Variants in NUBPL observed in about 807,000 individuals in gnomAD.
NUBPL encodes the protein iron-sulfur cluster transfer protein NUBPL.
Under a neutral mutation model 45.7 loss-of-function variants are expected in NUBPL, and 31 were observed. That is an observed-to-expected ratio of 0.68 (90% confidence interval 0.51 to 0.92). NUBPL has a LOEUF of 0.92. Among genes scored for constraint, NUBPL ranks in the 40% least tolerant of loss-of-function variants. NUBPL has a pLI of 0.00. For missense variants in NUBPL, 401 were observed against 398.7 expected (o/e 1.01, Z -0.05); for synonymous variants, 144 against 140.9 (o/e 1.02, Z -0.15).
chr14:31,680,451 A>C (rs2036804204), intron 6 of NUBPL, among the ~76,000 whole-genome samples: 1 of 152,122 alleles, frequency 6.6e-6, no homozygotes, highest in African/African-American at 2.4e-5. Flanking sequence ...GAATTTTTTC[A>C]AATGCTTTTC....
intron 6 of NUBPL, among the ~76,000 whole-genome samples, chr14:31,778,071 G>T (rs1419059252): frequency 1.3e-5 from 2 of 152,168 alleles, no homozygotes; most frequent in African/African-American, 4.8e-5. Context: ...ATAATCCATG[G>T]GGTCATTGTC....
intron 4 of NUBPL, among the ~76,000 whole-genome samples, chr14:31,615,245 G>A (rs1016312499): frequency 6.6e-6 from 1 of 152,058 alleles, no homozygotes; most frequent in African/African-American, 2.4e-5. Context: ...CACCATGATT[G>A]TAAGTTTTCT....
chr14:31,596,688 T>C (rs2034293382), intron 3 of NUBPL, among the ~76,000 whole-genome samples: 1 of 152,220 alleles, frequency 6.6e-6, no homozygotes, highest in African/African-American at 2.4e-5. Context: ...CGTGTTAAAG[T>C]TCTGTTGGAG....
intron 4 of NUBPL, among the ~76,000 whole-genome samples, chr14:31,671,316 C>T (rs57523000): frequency 0.055 from 8,298 of 152,158 alleles, 643 homozygotes; most frequent in African/African-American, 0.18. Flanking sequence ...TTGACTATTG[C>T]GAATAGTGCT....
chr14:31,568,829 C>A (rs1303547013), intron 3 of NUBPL, among the ~76,000 whole-genome samples: 1 of 152,132 alleles, frequency 6.6e-6, no homozygotes, highest in Non-Finnish European at 1.5e-5. Context: ...GGAAGCAATT[C>A]ATTTTACTTT....
intron 4 of NUBPL, among the ~76,000 whole-genome samples, chr14:31,627,376 T>C (rs1488595822): frequency 6.6e-6 from 1 of 152,060 alleles, no homozygotes; most frequent in Non-Finnish European, 1.5e-5. Flanking sequence ...AGAAATGCAA[T>C]GCATTTCGGC....
chr14:31,806,214 C>T (rs910319021), intron 7 of NUBPL, among the ~76,000 whole-genome samples: 1 of 152,128 alleles, frequency 6.6e-6, no homozygotes, highest in Non-Finnish European at 1.5e-5. Context: ...CATATAAAGT[C>T]TCTGTCTCTA....
intron 4 of NUBPL, among the ~76,000 whole-genome samples, chr14:31,665,509 T>C (rs932994607): frequency 1.3e-5 from 2 of 152,152 alleles, no homozygotes; most frequent in Non-Finnish European, 2.9e-5. Context: ...GGAGCAGGTT[T>C]TTCAGTTTCC....
chr14:31,800,195 GTTAT>G (rs1332614902), intron 7 of NUBPL, among the ~76,000 whole-genome samples: 2 of 152,170 alleles, frequency 1.3e-5, no homozygotes, highest in Admixed American at 1.3e-4. Flanking sequence ...CACATCTGCA[GTTAT>G]TTCCTCCACT....
rs751219189 is a variant in NUBPL, at chr14:31,561,464, C to A, written c.25C>A (p.Leu9Ile). Residue 9 changes from leucine to isoleucine, a missense_variant, in exon 1 of 11, where the codon CTT becomes ATT. By Grantham distance (5) the Leu-to-Ile change is conservative. Coordinates refer to ENST00000281081, the MANE Select transcript of NUBPL (RefSeq NM_025152.3). MGIWQRLL[L>I]FGGVSLRAGG... Reference sequence around the variant, plus strand: ...CATGGGGATTTGGCAGCGTCTGCTGCTTTTTGGTGGGGTGTCGCTCCGGGC... The same window carrying A: ...CATGGGGATTTGGCAGCGTCTGCTGATTTTTGGTGGGGTGTCGCTCCGGGC... 2.1e-6 allele frequency: 3 copies of A among 1,419,944 alleles called. No homozygotes were observed. In the South Asian group the frequency reaches 5.1e-5, roughly 24 times the overall value. The allele number at this position is 1,419,944 out of a possible 1,614,324, so 88.0% of individuals were successfully genotyped here.
At chr14:31,574,116 T>C (rs983325087) in intron 3 of NUBPL, among the ~76,000 whole-genome samples, 4 of 152,240 alleles carry the variant, frequency 2.6e-5, no homozygotes, top group African/African-American at 9.6e-5. Flanking sequence ...GCAAATGAAG[T>C]AATTAAAATC....
At chr14:31,739,291 G>T (rs1449508099) in intron 6 of NUBPL, among the ~76,000 whole-genome samples, 2 of 137,538 alleles carry the variant, frequency 1.5e-5, no homozygotes, top group Non-Finnish European at 3.1e-5. Flanking sequence ...CACCATGTTG[G>T]CCAGGCTGGT....
At chr14:31,855,231 G>A (rs960450784) in intron 10 of NUBPL, among the ~76,000 whole-genome samples, 2 of 152,198 alleles carry the variant, frequency 1.3e-5, no homozygotes, top group Non-Finnish European at 2.9e-5. Flanking sequence ...TTATAAAGAT[G>A]TATGGGTGAA....
At chr14:31,778,636 A>T (rs544720929) in intron 6 of NUBPL, among the ~76,000 whole-genome samples, 3 of 152,206 alleles carry the variant, frequency 2.0e-5, no homozygotes, top group African/African-American at 7.2e-5. Flanking sequence ...AGTAAGGTTT[A>T]ACTACTGCCA....
intron 6 of NUBPL, among the ~76,000 whole-genome samples, chr14:31,707,248 C>G (rs1051020497): frequency 6.6e-6 from 1 of 152,226 alleles, no homozygotes; most frequent in Non-Finnish European, 1.5e-5. Context: ...TGCTTTCGGG[C>G]TATGCCCTTG....
intron 6 of NUBPL, among the ~76,000 whole-genome samples, chr14:31,688,342 C>T (rs528550675): frequency 7.2e-5 from 11 of 152,016 alleles, no homozygotes; most frequent in Non-Finnish European, 1.3e-4. Context: ...CTTTGGCAGG[C>T]CGAAGTGGGC....
chr14:31,694,620 A>G (rs2037173445), intron 6 of NUBPL, among the ~76,000 whole-genome samples: 1 of 152,162 alleles, frequency 6.6e-6, no homozygotes, highest in Non-Finnish European at 1.5e-5. Context: ...GGTTCAAGCG[A>G]TTCTCCTGCC....
At chr14:31,698,879 G>A (rs1161199031) in intron 6 of NUBPL, among the ~76,000 whole-genome samples, 1 of 149,420 alleles carries the variant, frequency 6.7e-6, no homozygotes, top group African/African-American at 2.5e-5. Context: ...TTTTAAGACA[G>A]AGTCTCGCTT....
intron 7 of NUBPL, among the ~76,000 whole-genome samples, chr14:31,824,218 G>T (rs779522109): frequency 6.6e-6 from 1 of 152,066 alleles, no homozygotes; most frequent in Non-Finnish European, 1.5e-5. Flanking sequence ...ATTTGTAGAT[G>T]AAGAAACAAA....
Sources: gnomAD v4.1 joint callset for allele counts (sites outside exome capture counted in the v4.1 genomes callset) on GRCh38, gnomAD v4.1.1 for gene constraint, MANE v1.5 for transcripts, NCBI Gene and HGNC (gene_info 2026-07-23, HGNC 2026-07-21) for gene names.